The following HS3ST3B1 variants were observed in gnomAD, a reference collection of about 807,000 sequenced individuals.
The protein encoded by HS3ST3B1 is heparan sulfate-glucosamine 3-sulfotransferase 3B1.
Under a neutral mutation model 21.3 loss-of-function variants are expected in HS3ST3B1, and 13 were observed. The observed-to-expected ratio is 0.61, with a 90% confidence interval of 0.40 to 0.97. The LOEUF (loss-of-function observed/expected upper bound fraction) is 0.97, where lower values mean the gene tolerates loss of function less well. Ranked by LOEUF, HS3ST3B1 falls within the 50% of genes least tolerant of loss-of-function variation. The pLI, the probability that HS3ST3B1 is intolerant of heterozygous loss-of-function variation, is 0.00. For synonymous variants in HS3ST3B1, 234 were observed against 254.8 expected (o/e 0.92, Z 0.78); for missense variants, 459 against 554.8 (o/e 0.83, Z 1.73).
intron 1 of HS3ST3B1, among the ~76,000 whole-genome samples, chr17:14,318,579 G>A (rs1909568767): frequency 6.6e-6 from 1 of 152,172 alleles, no homozygotes; most frequent in Admixed American, 6.5e-5. Context: ...TTATTGATAA[G>A]GTCTAGCTCA....
At chr17:14,333,924 A>G (rs1452201254) in intron 1 of HS3ST3B1, among the ~76,000 whole-genome samples, 8 of 152,150 alleles carry the variant, frequency 5.3e-5, no homozygotes, top group Admixed American at 5.2e-4. Context: ...CACCACGACC[A>G]GCTAACGTTT....
intron 1 of HS3ST3B1, among the ~76,000 whole-genome samples, chr17:14,314,028 G>A (rs1303856477): frequency 1.3e-5 from 2 of 151,976 alleles, no homozygotes; most frequent in African/African-American, 4.8e-5. Context: ...TGCCCAGGCT[G>A]GAGTGCAGTG....
intron 1 of HS3ST3B1, among the ~76,000 whole-genome samples, chr17:14,325,588 A>T (rs1264005033): frequency 6.6e-6 from 1 of 152,238 alleles, no homozygotes; most frequent in African/African-American, 2.4e-5. Flanking sequence ...CAAAAGCAAT[A>T]AAAGGCTGGA....
intron 1 of HS3ST3B1, among the ~76,000 whole-genome samples, chr17:14,339,394 A>G (rs1910300455): frequency 6.6e-6 from 1 of 152,202 alleles, no homozygotes. Context: ...AGAAAAAAAT[A>G]CAGGAATCTA....
chr17:14,312,739 T>C (rs7503209), intron 1 of HS3ST3B1, among the ~76,000 whole-genome samples: 146,672 of 151,762 alleles, frequency 0.97, 71,059 homozygotes, highest in East Asian at 1. Flanking sequence ...CCCCCACAAC[T>C]ACACCACTCA....
At chr17:14,321,884 G>C (rs1026320940) in intron 1 of HS3ST3B1, among the ~76,000 whole-genome samples, 2 of 151,984 alleles carry the variant, frequency 1.3e-5, no homozygotes, top group African/African-American at 4.8e-5. Context: ...CAAAGAACTA[G>C]TAAGAGATTT....
chr17:14,345,867 TG>T lies in HS3ST3B1; in HGVS notation c.*223del. The T allele has an allele frequency of 1.9e-6, 1 of 540,382 alleles. No individual in the cohort carries two copies. Among genetic ancestry groups the T allele is most frequent in the Non-Finnish European group, 3.1e-6 (1 of 325,322 alleles). The allele number at this position is 540,382 out of a possible 1,614,324, so 33.5% of individuals were successfully genotyped here. A position where few individuals can be genotyped will look rare whatever the true frequency, so the allele number is the denominator to read the frequency against. ...ATTTCGTTCTCTTCTTCACAATTGA[TG>T]GTGCTTCTATTTTTTCTTCTCCCCT... is the stretch of plus-strand genomic sequence containing the variant. On this transcript the variant is annotated 3_prime_UTR_variant, in exon 2 of 2. Transcript: ENST00000360954.
chr17:14,329,589 T>C (rs1482308827), intron 1 of HS3ST3B1: 1 of 150,264 alleles, frequency 6.7e-6, no homozygotes, highest in Non-Finnish European at 1.5e-5. Context: ...AAGAAAGAGC[T>C]TGTGTTAAAA....
At chr17:14,334,697 CGTAT>C (rs1390696745) in intron 1 of HS3ST3B1, among the ~76,000 whole-genome samples, 1 of 152,122 alleles carries the variant, frequency 6.6e-6, no homozygotes, top group African/African-American at 2.4e-5. Context: ...TTTGGACATA[CGTAT>C]AATGACATGG....
In HS3ST3B1 at chr17:14,348,497, C is replaced by T. The variant is rs1176006653; in HGVS notation, c.*2851C>T. 2 of 152,274 alleles carry T rather than the reference C, an allele frequency of 1.3e-5. No homozygotes were observed. Among genetic ancestry groups the T allele is most frequent in the East Asian group, 1.9e-4 (1 of 5,190 alleles). The allele number at this position is 152,274 out of a possible 1,614,324, so 9.4% of individuals were successfully genotyped here. On this transcript the variant is annotated 3_prime_UTR_variant, in exon 2 of 2. Coordinates refer to ENST00000360954, the MANE Select transcript of HS3ST3B1 (RefSeq NM_006041.3). Reference sequence around the variant, plus strand: ...GCAGCATCTGCCGGAGCTTGCACCCCATCATCGGACGGTCATCTTCCTGCT... The same window carrying T: ...GCAGCATCTGCCGGAGCTTGCACCCTATCATCGGACGGTCATCTTCCTGCT...
rs563641441 is a variant in HS3ST3B1, at chr17:14,316,208, G to A, written c.554+14136G>A. ...TCTCCCACACATCTCCCACTGTGATGTCATCTCAAACCTAATATGTCTGCA... is the reference window on the plus strand; with the variant it reads ...TCTCCCACACATCTCCCACTGTGATATCATCTCAAACCTAATATGTCTGCA... On this transcript the variant is annotated intron_variant, in intron 1 of 1. Coordinates refer to ENST00000360954, the MANE Select transcript of HS3ST3B1 (RefSeq NM_006041.3). 1.1e-4 allele frequency among the ~76,000 whole-genome samples: 16 copies of A among 152,284 alleles called. 1 individual carries two copies. In the East Asian group the frequency reaches 2.3e-3, roughly 22 times the overall value.
In HS3ST3B1 at chr17:14,303,138, A is replaced by G. The variant is rs1000543064; in HGVS notation, c.554+1066A>G. Among the ~76,000 whole-genome samples the G allele has an allele frequency of 6.6e-6, 1 of 152,036 alleles. No homozygotes were observed. Among genetic ancestry groups the G allele is most frequent in the Non-Finnish European group, 1.5e-5 (1 of 68,006 alleles). On this transcript the variant is annotated intron_variant, in intron 1 of 1. Coordinates refer to ENST00000360954, the MANE Select transcript of HS3ST3B1 (RefSeq NM_006041.3). The surrounding 1 kb of genome is among the most constrained non-coding windows in gnomAD (Gnocchi z 5.7). ...GGAGGTCTAGATTTCGGCCTCCGAT[A>G]ACTGTCTTCGACTAGGGGCCCAGGT... is the stretch of plus-strand genomic sequence containing the variant.
At chr17:14,343,696 C>T (rs1171235504) in intron 1 of HS3ST3B1, among the ~76,000 whole-genome samples, 1 of 152,156 alleles carries the variant, frequency 6.6e-6, no homozygotes, top group Non-Finnish European at 1.5e-5. Flanking sequence ...TATAATATTT[C>T]ATTGTGCATA....
rs761567556 is a variant in HS3ST3B1 at position 14,301,580 on chromosome 17, AGCC to A, written c.72_74del (p.Pro28del). On this transcript the variant is annotated inframe_deletion, in exon 1 of 2. Coordinates refer to ENST00000360954, the MANE Select transcript of HS3ST3B1 (RefSeq NM_006041.3). ...GATGTCCCCGGCCGGCTCCTACCGC[AGCC>A]GCCGCCGCCCCCGCCGCCGGTGAGG... The A allele has an allele frequency of 8.1e-6, 13 of 1,598,286 alleles. No homozygotes were observed. The highest frequency in any genetic ancestry group is 6.7e-5 in the East Asian group (3 of 44,496).
In HS3ST3B1 at chr17:14,320,245, G is replaced by A. The variant is rs557839584; in HGVS notation, c.554+18173G>A. Among the ~76,000 whole-genome samples, 3 of 152,332 alleles carry A rather than the reference G, an allele frequency of 2.0e-5. No individual in the cohort carries two copies. The South Asian group carries it at 6.2e-4, about 32-fold the overall frequency. ...TTCAAAAACAAATCCTACAGAGGGA[G>A]AATTTCAATCTATCTAGGCGGGATG... On this transcript the variant is annotated intron_variant, in intron 1 of 1. Transcript: ENST00000360954.
intron 1 of HS3ST3B1, among the ~76,000 whole-genome samples, chr17:14,318,616 G>A (rs1049031370): frequency 6.6e-5 from 10 of 152,180 alleles, no homozygotes; most frequent in Non-Finnish European, 1.3e-4. Context: ...ATCAGATCCT[G>A]TTTCTGTTTA....
intron 1 of HS3ST3B1, among the ~76,000 whole-genome samples, chr17:14,334,716 T>C (rs564815387): frequency 6.6e-6 from 1 of 152,324 alleles, no homozygotes; most frequent in African/African-American, 2.4e-5. Context: ...ACATGGAAGC[T>C]ACATGATATT....
In HS3ST3B1 at chr17:14,347,472, AAG is replaced by A. The variant is rs1348216851; in HGVS notation, c.*1827_*1828del. The A allele has an allele frequency of 6.6e-6, 1 of 152,240 alleles. No homozygotes were observed. Among genetic ancestry groups the A allele is most frequent in the Non-Finnish European group, 1.5e-5 (1 of 68,044 alleles). 9.4% of individuals were successfully genotyped at this position (152,240 alleles called of 1,614,324 possible). A position where few individuals can be genotyped will look rare whatever the true frequency, so the allele number is the denominator to read the frequency against. On this transcript the variant is annotated 3_prime_UTR_variant, in exon 2 of 2. Transcript: ENST00000360954. ...TTGTGATTTCAGTTATACTTCCATC[AAG>A]GAATATGTGGGAAGATATACATATT...
At chr17:14,302,139 C>A in intron 1 of HS3ST3B1, 67 bp downstream of exon 1, 1 of 1,491,752 alleles carries the variant, frequency 6.7e-7, no homozygotes, top group East Asian at 2.4e-5. Flanking sequence ...GGAGACATGG[C>A]GTATGATAGG....
Sources: gnomAD v4.1 joint callset for allele counts (sites outside exome capture counted in the v4.1 genomes callset) on GRCh38, gnomAD v4.1.1 for gene constraint, Gnocchi (gnomAD v3.1) non-coding constraint, MANE v1.5 for transcripts, NCBI Gene and HGNC (gene_info 2026-07-23, HGNC 2026-07-21) for gene names.